Variants in CCDC39 observed in about 807,000 individuals in gnomAD.
CCDC39 encodes the protein coiled-coil domain 39 molecular ruler complex subunit, also known as coiled-coil domain-containing protein 39.
CCDC39 carries 113 observed loss-of-function variants against 121.0 expected under a neutral mutation model. That is an observed-to-expected ratio of 0.93 (90% CI 0.80 to 1.09). The LOEUF (loss-of-function observed/expected upper bound fraction) is 1.09, where lower values mean the gene tolerates loss of function less well. Ranked by LOEUF, CCDC39 falls within the 50% of genes least tolerant of loss-of-function variation. CCDC39 has a pLI of 0.00. For missense variants in CCDC39, 1,063 were observed against 1,074.7 expected (o/e 0.99, Z 0.15); for synonymous variants, 349 against 352.2 (o/e 0.99, Z 0.10).
At chr3:180,660,324 T>C (rs1711710455) in intron 4 of CCDC39, among the ~76,000 whole-genome samples, 2 of 152,086 alleles carry the variant, frequency 1.3e-5, no homozygotes, top group South Asian at 4.1e-4. Flanking sequence ...CTGCGATCCA[T>C]GAATCCTCAA....
intron 14 of CCDC39, among the ~76,000 whole-genome samples, chr3:180,625,604 A>G (rs1717541171): frequency 6.6e-6 from 1 of 152,076 alleles, no homozygotes; most frequent in Non-Finnish European, 1.5e-5. Context: ...TGCATATCTC[A>G]TGTAACAGTT....
chr3:180,634,645 A>C (rs1463437091), intron 13 of CCDC39, among the ~76,000 whole-genome samples: 1 of 152,156 alleles, frequency 6.6e-6, no homozygotes, highest in Non-Finnish European at 1.5e-5. Context: ...ATCTACAGCC[A>C]GCACTCAGGT....
Position 180,614,921 on chromosome 3 carries a change from T to G in CCDC39, c.2826A>C (p.Ter942TyrextTer3). The G allele has an allele frequency of 6.4e-7, 1 of 1,557,442 alleles. No homozygotes were observed. Among genetic ancestry groups the G allele is most frequent in the Non-Finnish European group, 8.7e-7 (1 of 1,149,478 alleles). ...ACTTTTTCAGAAGAGATTAAAATGTTTATTTGCTGCTCTTTTTGCTCTTAA... is the reference window on the plus strand; with the variant it reads ...ACTTTTTCAGAAGAGATTAAAATGTGTATTTGCTGCTCTTTTTGCTCTTAA... ...SNVKSKKSSK[*>Y] The change falls in exon 20 of 20, where the codon TAA (stop) becomes TAC (tyrosine). Residue 942 changes from the stop codon to tyrosine (Y), a stop_lost. Transcript: ENST00000476379.
intron 1 of CCDC39, among the ~76,000 whole-genome samples, chr3:180,665,717 C>G (rs1711857035): frequency 6.6e-6 from 1 of 151,712 alleles, no homozygotes; most frequent in Non-Finnish European, 1.5e-5. Context: ...AAAGCAGTCT[C>G]TTTATTGTTT....
At chr3:180,653,723 T>C (rs778585015) in intron 7 of CCDC39, among the ~76,000 whole-genome samples, 42 of 152,158 alleles carry the variant, frequency 2.8e-4, no homozygotes, top group Non-Finnish European at 2.9e-4. Flanking sequence ...AACAAAATAG[T>C]GCAGTCATCC....
chr3:180,614,998 G>C lies in CCDC39; in HGVS notation c.2749C>G (p.Leu917Val). ...LELKFPASSS[L>V]VGSPSRPSSA... ...GATGGCCTAGAAGGGCTGCCTACTA[G>C]TGAAGAGGAGGCCGGGAATTTAAGC... Residue 917 changes from leucine (L) to valine (V), a missense_variant, in exon 20 of 20, where the codon CTA becomes GTA. Leu to Val is a conservative substitution (Grantham distance 32, BLOSUM62 1). Transcript: ENST00000476379. The C allele has an allele frequency of 6.4e-7, 1 of 1,562,522 alleles. No homozygotes were observed. Among genetic ancestry groups the C allele is most frequent in the Non-Finnish European group, 8.7e-7 (1 of 1,151,460 alleles).
intron 13 of CCDC39, among the ~76,000 whole-genome samples, chr3:180,639,837 C>T (rs1717914000): frequency 6.6e-6 from 1 of 151,892 alleles, no homozygotes; most frequent in African/African-American, 2.4e-5. Flanking sequence ...CTGCAAGGAA[C>T]TGTAAGTTAG....
In CCDC39 at chr3:180,641,872, A is replaced by T. The variant is rs74887743; in HGVS notation, c.1874+121T>A. ...ATAACATGCCCTATGTCTTTCTTAT[A>T]TGAAAAGCCATTTCGAATGAGTAAA... On this transcript the variant is annotated intron_variant, in intron 13 of 19. Transcript: ENST00000476379. 1.7e-3 allele frequency: 1,044 copies of T among 599,764 alleles called. 10 individuals carry two copies. The highest frequency in any genetic ancestry group is 0.017 in the African/African-American group (927 of 53,722). 37.2% of individuals were successfully genotyped at this position (599,764 alleles called of 1,614,324 possible).
At chr3:180,649,305 C>T (rs897864530) in intron 9 of CCDC39, among the ~76,000 whole-genome samples, 1 of 152,158 alleles carries the variant, frequency 6.6e-6, no homozygotes, top group African/African-American at 2.4e-5. Context: ...GGAAGCCTCA[C>T]AACCAATGTG....
intron 9 of CCDC39, among the ~76,000 whole-genome samples, chr3:180,650,433 G>C (rs1718172467): frequency 6.6e-6 from 1 of 152,160 alleles, no homozygotes; most frequent in Non-Finnish European, 1.5e-5. Context: ...GTAGAAATCA[G>C]TTGTAAAACA....
In CCDC39 at chr3:180,616,320, TGAC is replaced by T. The variant is rs1717238350; in HGVS notation, c.2627_2629del (p.Arg876del). ...AGTATGTGAAGGAGATCTAGAGCTCTGACGACTGCCTTTTGTGCTAGCTGTAGG... is the reference window on the plus strand; with the variant it reads ...AGTATGTGAAGGAGATCTAGAGCTCTGACTGCCTTTTGTGCTAGCTGTAGG... On this transcript the variant is annotated inframe_deletion, in exon 19 of 20. Coordinates refer to ENST00000476379, the MANE Select transcript of CCDC39 (RefSeq NM_181426.2). The T allele has an allele frequency of 1.9e-6, 3 of 1,613,436 alleles. No individual in the cohort carries two copies. The highest frequency in any genetic ancestry group is 2.2e-5 in the East Asian group (1 of 44,880).
chr3:180,624,384 T>C (rs1017125093), intron 14 of CCDC39, among the ~76,000 whole-genome samples: 6 of 152,212 alleles, frequency 3.9e-5, no homozygotes, highest in African/African-American at 1.4e-4. Flanking sequence ...TATGTTTTAA[T>C]TGGGTCGTTT....
At chr3:180,615,509 A>G (rs1237845713) in intron 19 of CCDC39, among the ~76,000 whole-genome samples, 1 of 152,158 alleles carries the variant, frequency 6.6e-6, no homozygotes, top group Non-Finnish European at 1.5e-5. Flanking sequence ...GGTCATTTGA[A>G]AAACAGCTAG....
chr3:180,632,805 A>G lies in CCDC39; in HGVS notation c.1875-1213T>C, dbSNP rs142735755. ...CCAAAGAAGTCTGAAAAAAATCCAA[A>G]CTCAGAAACAAGAAAAAGAACAAGA... On this transcript the variant is annotated intron_variant, in intron 13 of 19. Coordinates refer to ENST00000476379, the MANE Select transcript of CCDC39 (RefSeq NM_181426.2). Among the ~76,000 whole-genome samples the G allele has an allele frequency of 6.3e-3, 958 of 152,210 alleles. 10 individuals carry two copies. Among genetic ancestry groups the G allele is most frequent in the African/African-American group, 0.022 (908 of 41,526 alleles).
In CCDC39 at chr3:180,616,963, T is replaced by C. The variant is rs1426523011; in HGVS notation, c.2269A>G (p.Met757Val). 2 of 1,348,304 alleles carry C rather than the reference T, an allele frequency of 1.5e-6. No homozygotes were observed. The highest frequency in any genetic ancestry group is 3.0e-5 in the African/African-American group (2 of 66,696). 83.5% of individuals were successfully genotyped at this position (1,348,304 alleles called of 1,614,324 possible). The part of the protein sequence containing the change: ...IRELQEDIQS[M>V]ENTLDVIEHL... ...TCTATAACATCTAATGTATTTTCCA[T>C]GCTCTGTAGAAAAAATATTAACATG... The change falls in exon 17 of 20, where the codon ATG (methionine) becomes GTG (valine). Residue 757 changes from methionine to valine, a missense_variant. Met to Val is a conservative substitution (Grantham distance 21, BLOSUM62 1). Coordinates refer to ENST00000476379, the MANE Select transcript of CCDC39 (RefSeq NM_181426.2).
At chr3:180,666,490 C>T (rs913162652) in intron 1 of CCDC39, among the ~76,000 whole-genome samples, 5 of 152,154 alleles carry the variant, frequency 3.3e-5, no homozygotes, top group African/African-American at 1.2e-4. Context: ...CTCACTGTAA[C>T]TGTACTTTTG....
chr3:180,647,207 G>A lies in CCDC39; in HGVS notation c.1399C>T (p.Arg467Trp), dbSNP rs776582538. Reference protein sequence around the residue: ...HIQQVERRMSRLKGEINSEEK... With the variant: ...HIQQVERRMSWLKGEINSEEK... ...TCTGAATTAATTTCTCCCTTTAACC[G>A]TGACATTCTCCGTTCCACTTGTTGA... is the stretch of plus-strand genomic sequence containing the variant. Residue 467 changes from arginine (R) to tryptophan (W), a missense_variant, in exon 11 of 20, where the codon CGG (arginine) becomes TGG (tryptophan). Physicochemically the swap from Arg to Trp is moderately radical, Grantham distance 101. Coordinates refer to ENST00000476379, the MANE Select transcript of CCDC39 (RefSeq NM_181426.2). The A allele has an allele frequency of 1.1e-5, 17 of 1,606,034 alleles. No homozygotes were observed. The highest frequency in any genetic ancestry group is 1.6e-4 in the Middle Eastern group (1 of 6,062).
intron 1 of CCDC39, among the ~76,000 whole-genome samples, chr3:180,675,802 G>A (rs1712182234): frequency 1.3e-5 from 2 of 151,990 alleles, no homozygotes; most frequent in East Asian, 3.9e-4. Context: ...CAGAGATATA[G>A]ACCAATGGAA....
intron 14 of CCDC39, among the ~76,000 whole-genome samples, chr3:180,625,695 G>A (rs1717542930): frequency 2.0e-5 from 3 of 152,104 alleles, no homozygotes; most frequent in South Asian, 2.1e-4. Flanking sequence ...GTGTTTTGAT[G>A]TGGGGTGCCT....
Sources: allele counts gnomAD v4.1 joint callset (sites outside exome capture counted in the v4.1 genomes callset), GRCh38; gene constraint gnomAD v4.1.1; transcripts MANE v1.5; gene names NCBI Gene and HGNC (gene_info 2026-07-23, HGNC 2026-07-21).